The following SPIDR variants were observed in gnomAD, a reference collection of about 807,000 sequenced individuals.
SPIDR encodes the protein scaffold protein involved in DNA repair, also known as DNA repair-scaffolding protein.
In SPIDR, 93 loss-of-function variants were observed where a neutral mutation model predicts 104.6. The observed-to-expected ratio is 0.89, with a 90% confidence interval of 0.75 to 1.06. SPIDR has a LOEUF of 1.06. Among genes scored for constraint, SPIDR ranks in the 50% least tolerant of loss-of-function variants. The pLI, the probability that SPIDR is intolerant of heterozygous loss-of-function variation, is 0.00. For synonymous variants in SPIDR, 431 were observed against 416.9 expected, an observed-to-expected ratio of 1.03 and a Z score of -0.41; for missense variants, 1,154 against 1,111.2, an observed-to-expected ratio of 1.04 and a Z score of -0.55.
intron 8 of SPIDR, among the ~76,000 whole-genome samples, chr8:47,552,170 T>C (rs1039270342): frequency 7.9e-5 from 12 of 152,202 alleles, no homozygotes; most frequent in African/African-American, 2.9e-4. Flanking sequence ...TTACATTTGC[T>C]GAGGAGTGCT....
chr8:47,368,325 C>A (rs1587790188), intron 5 of SPIDR, among the ~76,000 whole-genome samples: 1 of 98,508 alleles, frequency 1.0e-5, no homozygotes. Context: ...TTAACAGAGT[C>A]AGAAGGAGTT....
chr8:47,604,594 A>G (rs997506599), intron 10 of SPIDR, among the ~76,000 whole-genome samples: 1 of 152,212 alleles, frequency 6.6e-6, no homozygotes, highest in African/African-American at 2.4e-5. Flanking sequence ...GAGCTAGAGA[A>G]AAGATCCGTG....
chr8:47,330,536 C>T (rs963451384), intron 5 of SPIDR, among the ~76,000 whole-genome samples: 12 of 152,206 alleles, frequency 7.9e-5, no homozygotes, highest in Admixed American at 2.0e-4. Flanking sequence ...ACCCTAATCT[C>T]TCGAAACCAC....
intron 8 of SPIDR, among the ~76,000 whole-genome samples, chr8:47,441,734 A>G (rs1056998517): frequency 1.3e-5 from 2 of 152,044 alleles, no homozygotes; most frequent in Non-Finnish European, 2.9e-5. Context: ...TGAGGTGTAA[A>G]AGTTATTCTA....
At chr8:47,501,178 A>T (rs2080359560) in intron 8 of SPIDR, among the ~76,000 whole-genome samples, 1 of 152,204 alleles carries the variant, frequency 6.6e-6, no homozygotes, top group African/African-American at 2.4e-5. Context: ...AATTCTGTGA[A>T]GAAAGTCATT....
chr8:47,375,627 G>A lies in SPIDR; in HGVS notation c.526-20749G>A, dbSNP rs189622904. Among the ~76,000 whole-genome samples, 10 of 152,242 alleles carry A rather than the reference G, an allele frequency of 6.6e-5. No homozygotes were observed. In the East Asian group the frequency reaches 1.5e-3, roughly 24 times the overall value. On this transcript the variant is annotated intron_variant, in intron 5 of 19. Coordinates refer to ENST00000297423, the MANE Select transcript of SPIDR (RefSeq NM_001080394.4). ...AGGTTTAATTGTTCCATGTTCTCAA[G>A]CTACTAGAAAAATTTTTTTAAAGAG...
chr8:47,479,282 C>T (rs1177072482), intron 8 of SPIDR, among the ~76,000 whole-genome samples: 2 of 151,462 alleles, frequency 1.3e-5, no homozygotes, highest in Non-Finnish European at 1.5e-5. Context: ...TTGCTTGAAC[C>T]TGGGAGGCGG....
intron 5 of SPIDR, among the ~76,000 whole-genome samples, chr8:47,375,407 A>G (rs993018613): frequency 2.0e-5 from 3 of 151,476 alleles, no homozygotes; most frequent in Non-Finnish European, 4.4e-5. Flanking sequence ...GTGCCCAGCT[A>G]ATTTTTGTAT....
intron 5 of SPIDR, among the ~76,000 whole-genome samples, chr8:47,389,637 T>G (rs1047034738): frequency 7.4e-6 from 1 of 134,368 alleles, no homozygotes; most frequent in East Asian, 2.1e-4. Context: ...TGCAGTGAGC[T>G]GAGATGGTGC....
intron 10 of SPIDR, among the ~76,000 whole-genome samples, chr8:47,605,233 G>A (rs2062792164): frequency 6.6e-6 from 1 of 152,222 alleles, no homozygotes; most frequent in African/African-American, 2.4e-5. Context: ...CAAGCGCTCA[G>A]GATGGTGCTT....
At chr8:47,478,123 A>G (rs559239814) in intron 8 of SPIDR, among the ~76,000 whole-genome samples, 7 of 152,344 alleles carry the variant, frequency 4.6e-5, no homozygotes, top group African/African-American at 1.4e-4. Flanking sequence ...TGGAAGGCAC[A>G]AGGAGTACCA....
intron 11 of SPIDR, among the ~76,000 whole-genome samples, chr8:47,696,484 G>C (rs908873132): frequency 1.4e-4 from 21 of 152,214 alleles, no homozygotes; most frequent in African/African-American, 5.1e-4. Context: ...TAAAATTAAA[G>C]TTAATGGCTC....
At chr8:47,474,757 C>G (rs1554722831) in intron 8 of SPIDR, among the ~76,000 whole-genome samples, 1 of 152,202 alleles carries the variant, frequency 6.6e-6, no homozygotes, top group African/African-American at 2.4e-5. Flanking sequence ...AATGAGAATT[C>G]AGTCCAACAC....
intron 8 of SPIDR, among the ~76,000 whole-genome samples, chr8:47,484,668 A>T (rs1447288365): frequency 6.6e-6 from 1 of 152,224 alleles, no homozygotes; most frequent in Non-Finnish European, 1.5e-5. Flanking sequence ...CAAAAAGCTG[A>T]TACCAGACAC....
At chr8:47,321,320 A>G (rs1288702242) in intron 5 of SPIDR, among the ~76,000 whole-genome samples, 1 of 152,238 alleles carries the variant, frequency 6.6e-6, no homozygotes, top group African/African-American at 2.4e-5. Flanking sequence ...AGAGAGCCAA[A>G]TTATGAGTGA....
chr8:47,314,241 A>G (rs2044813698), intron 5 of SPIDR, among the ~76,000 whole-genome samples: 1 of 152,198 alleles, frequency 6.6e-6, no homozygotes, highest in South Asian at 2.1e-4. Context: ...TAGAACAAAC[A>G]CTGGAAAAGA....
intron 5 of SPIDR, among the ~76,000 whole-genome samples, chr8:47,379,999 A>T (rs2059137693): frequency 6.6e-6 from 1 of 152,114 alleles, no homozygotes; most frequent in Non-Finnish European, 1.5e-5. Context: ...TTCCCCACCC[A>T]TTGTGTAGCA....
intron 19 of SPIDR, among the ~76,000 whole-genome samples, chr8:47,734,463 C>T (rs2085835746): frequency 6.6e-6 from 1 of 152,156 alleles, no homozygotes; most frequent in Admixed American, 6.5e-5. Flanking sequence ...TTGGCCATGA[C>T]ACCATAACGA....
At chr8:47,589,970 C>A (rs1290994449) in intron 8 of SPIDR, among the ~76,000 whole-genome samples, 4 of 152,016 alleles carry the variant, frequency 2.6e-5, no homozygotes, top group African/African-American at 9.7e-5. Context: ...GAGTTTGAGA[C>A]CATCCTGACC....
Sources: allele counts gnomAD v4.1 joint callset (sites outside exome capture counted in the v4.1 genomes callset), GRCh38; gene constraint gnomAD v4.1.1; transcripts MANE v1.5; gene names NCBI Gene and HGNC (gene_info 2026-07-23, HGNC 2026-07-21).